The following SLC9A9 variants were observed in gnomAD, a reference collection of about 807,000 sequenced individuals.
The protein encoded by SLC9A9 is sodium/hydrogen exchanger 9.
SLC9A9 carries 62 observed loss-of-function variants against 77.8 expected under a neutral mutation model. The observed-to-expected ratio is 0.80, with a 90% CI of 0.65 to 0.98. The LOEUF (loss-of-function observed/expected upper bound fraction) is 0.98, where lower values mean the gene tolerates loss of function less well. Among genes scored for constraint, SLC9A9 ranks in the 50% least tolerant of loss-of-function variants. The probability of loss-of-function intolerance (pLI) is 0.00; values close to 1 mark genes in which losing one functional copy is unlikely to be tolerated. For synonymous variants in SLC9A9, 320 were observed against 283.5 expected (o/e 1.13, Z -1.29); for missense variants, 775 against 774.9 (o/e 1.00, Z 0.00).
chr3:143,574,331 C>T (rs892618106), intron 7 of SLC9A9, 138 bp from the exon 8 acceptor site: 6 of 738,830 alleles, frequency 8.1e-6, no homozygotes, highest in Non-Finnish European at 1.4e-5. Context: ...ACTGGAAGGC[C>T]ATAATTCTCA....
At chr3:143,314,671 C>A (rs187403927) in intron 14 of SLC9A9, among the ~76,000 whole-genome samples, 52 of 152,342 alleles carry the variant, frequency 3.4e-4, no homozygotes, top group Admixed American at 3.1e-3. Flanking sequence ...CACTGGCCAG[C>A]CCTCTTCGAG....
At position 143,408,484 on chromosome 3, in the gene SLC9A9, T is replaced by C. The variant is rs559634071; in HGVS notation, c.1470-26370A>G. On this transcript the variant is annotated intron_variant, in intron 12 of 15. Coordinates refer to ENST00000316549, the MANE Select transcript of SLC9A9 (RefSeq NM_173653.4). Reference sequence around the variant, plus strand: ...CTGTATAATATTTATATGTAAGATGTCACCAAAGAAAGCATGAAGACATGA... The same window carrying C: ...CTGTATAATATTTATATGTAAGATGCCACCAAAGAAAGCATGAAGACATGA... Among the ~76,000 whole-genome samples, 7 of 152,310 alleles carry C rather than the reference T, an allele frequency of 4.6e-5. No homozygotes were observed. The South Asian group carries it at 1.2e-3, about 27-fold the overall frequency.
intron 6 of SLC9A9, among the ~76,000 whole-genome samples, chr3:143,635,362 C>T (rs2038501604): frequency 6.6e-6 from 1 of 152,170 alleles, no homozygotes; most frequent in African/African-American, 2.4e-5. Flanking sequence ...ATTCTTTACA[C>T]TGAAGGTGGG....
At chr3:143,589,168 C>G (rs1248115913) in intron 6 of SLC9A9, among the ~76,000 whole-genome samples, 1 of 152,182 alleles carries the variant, frequency 6.6e-6, no homozygotes, top group Non-Finnish European at 1.5e-5. Context: ...TTCTATGAAG[C>G]ATTCACTATG....
intron 2 of SLC9A9, chr3:143,811,597 G>A: frequency 2.3e-6 from 1 of 444,268 alleles, no homozygotes; most frequent in South Asian, 1.6e-5. Flanking sequence ...TATAATCCCA[G>A]TACTTTGGGA....
chr3:143,795,842 C>G (rs1173890096), intron 3 of SLC9A9, among the ~76,000 whole-genome samples: 1 of 152,196 alleles, frequency 6.6e-6, no homozygotes, highest in African/African-American at 2.4e-5. Context: ...GTTACCTGAA[C>G]AAATCCAGCC....
At chr3:143,462,328 G>A (rs1390213716) in intron 12 of SLC9A9, among the ~76,000 whole-genome samples, 4 of 152,022 alleles carry the variant, frequency 2.6e-5, no homozygotes, top group Admixed American at 1.3e-4. Flanking sequence ...AGCTATGATT[G>A]AGCCACTGCA....
chr3:143,623,485 C>A (rs1338816564), intron 6 of SLC9A9, among the ~76,000 whole-genome samples: 1 of 152,018 alleles, frequency 6.6e-6, no homozygotes, highest in African/African-American at 2.4e-5. Flanking sequence ...CAACTACATG[C>A]AAACTGAACA....
chr3:143,541,727 A>AT (rs981607303), intron 9 of SLC9A9, among the ~76,000 whole-genome samples: 1 of 152,138 alleles, frequency 6.6e-6, no homozygotes, highest in African/African-American at 2.4e-5. Context: ...CTCCAATAAA[A>AT]TTCTGGGTTC....
intron 11 of SLC9A9, among the ~76,000 whole-genome samples, chr3:143,473,298 A>G (rs2035410738): frequency 6.6e-6 from 1 of 152,124 alleles, no homozygotes; most frequent in South Asian, 2.1e-4. Flanking sequence ...TAGCTTTATG[A>G]GGTCACGATT....
At position 143,465,699 on chromosome 3, in the gene SLC9A9, G is replaced by A. The variant is rs1486473632; in HGVS notation, c.1469+1338C>T. On this transcript the variant is annotated intron_variant, in intron 12 of 15. Coordinates refer to ENST00000316549, the MANE Select transcript of SLC9A9 (RefSeq NM_173653.4). The stretch of plus-strand genomic sequence containing the variant: ...TTTCCAGAAACCTAAACACACCACC[G>A]TCTTACTAACAGTTCACAGGAGACT... Among the ~76,000 whole-genome samples, 4 of 152,060 alleles carry A rather than the reference G, an allele frequency of 2.6e-5. No homozygotes were observed. In the East Asian group the frequency reaches 5.8e-4, roughly 22 times the overall value.
intron 9 of SLC9A9, among the ~76,000 whole-genome samples, chr3:143,510,354 T>C (rs1358617888): frequency 6.6e-6 from 1 of 152,122 alleles, no homozygotes; most frequent in Non-Finnish European, 1.5e-5. Context: ...AGAAAAAACA[T>C]TGTCTTTATT....
At chr3:143,360,563 C>G (rs1417253169) in intron 14 of SLC9A9, among the ~76,000 whole-genome samples, 1 of 152,160 alleles carries the variant, frequency 6.6e-6, no homozygotes, top group East Asian at 1.9e-4. Context: ...AAGCACTGAA[C>G]ACAGTGCTTG....
chr3:143,730,950 C>T (rs2108809933), intron 4 of SLC9A9, among the ~76,000 whole-genome samples: 1 of 152,272 alleles, frequency 6.6e-6, no homozygotes, highest in East Asian at 1.9e-4. Flanking sequence ...TATTTTTCTG[C>T]TCTGCTTTTT....
At chr3:143,497,515 A>C (rs1210601829) in intron 9 of SLC9A9, among the ~76,000 whole-genome samples, 1 of 152,186 alleles carries the variant, frequency 6.6e-6, no homozygotes, top group African/African-American at 2.4e-5. Flanking sequence ...GCTGAGACAA[A>C]GGCCCCCACC....
chr3:143,423,191 ATCTC>A (rs899715663), intron 12 of SLC9A9, among the ~76,000 whole-genome samples: 5 of 150,404 alleles, frequency 3.3e-5, no homozygotes, highest in Non-Finnish European at 5.9e-5. Flanking sequence ...ATATATGTAA[ATCTC>A]TACTTACCCT....
chr3:143,364,066 T>A (rs985357255), intron 13 of SLC9A9, among the ~76,000 whole-genome samples: 2 of 152,174 alleles, frequency 1.3e-5, no homozygotes, highest in Non-Finnish European at 2.9e-5. Context: ...GAAATAGATA[T>A]TCCTGATAAG....
chr3:143,332,139 T>C (rs1382314034), intron 14 of SLC9A9, among the ~76,000 whole-genome samples: 1 of 152,204 alleles, frequency 6.6e-6, no homozygotes, highest in Non-Finnish European at 1.5e-5. Flanking sequence ...GGATCTTTCA[T>C]GTCATGTTAG....
chr3:143,669,313 C>G (rs11920849), intron 5 of SLC9A9, among the ~76,000 whole-genome samples: 1 of 152,194 alleles, frequency 6.6e-6, no homozygotes, highest in African/African-American at 2.4e-5. Context: ...AAACTTCCAT[C>G]CTATACGTCT....
Sources: gnomAD v4.1 joint callset for allele counts (sites outside exome capture counted in the v4.1 genomes callset) on GRCh38, gnomAD v4.1.1 for gene constraint, MANE v1.5 for transcripts, NCBI Gene and HGNC (gene_info 2026-07-23, HGNC 2026-07-21) for gene names.